Variants in BMPR1B observed in about 807,000 individuals in gnomAD.
BMPR1B encodes bone morphogenetic protein receptor type-1B.
Under a neutral mutation model 59.1 loss-of-function variants are expected in BMPR1B, and 12 were observed. The ratio of observed to expected loss-of-function variants is 0.20; its 90% CI spans 0.13 to 0.33. The LOEUF is 0.33. Ranked by LOEUF, BMPR1B falls within the 10% of genes least tolerant of loss-of-function variation. The probability of loss-of-function intolerance (pLI) is 1.00; values close to 1 mark genes in which losing one functional copy is unlikely to be tolerated. For missense variants in BMPR1B, 550 were observed against 610.9 expected, an observed-to-expected ratio of 0.90 and a Z score of 1.05; for synonymous variants, 237 against 207.3, an observed-to-expected ratio of 1.14 and a Z score of -1.23.
At chr4:94,998,213 A>G (rs1019355249) in intron 3 of BMPR1B, among the ~76,000 whole-genome samples, 1 of 152,164 alleles carries the variant, frequency 6.6e-6, no homozygotes, top group Non-Finnish European at 1.5e-5. Flanking sequence ...ATATGCAGGT[A>G]TATTATACAA....
chr4:94,864,867 GC>G (rs1560521981), intron 1 of BMPR1B, among the ~76,000 whole-genome samples: 2 of 152,236 alleles, frequency 1.3e-5, no homozygotes, highest in South Asian at 4.1e-4. Flanking sequence ...GTTACAGAGG[GC>G]TAACAGTATG....
chr4:95,000,720 T>C (rs1369910661), intron 3 of BMPR1B, among the ~76,000 whole-genome samples: 1 of 152,044 alleles, frequency 6.6e-6, no homozygotes, highest in Non-Finnish European at 1.5e-5. Context: ...AAGCTTGCCT[T>C]AGTATGGAAA....
intron 1 of BMPR1B, among the ~76,000 whole-genome samples, chr4:94,779,323 C>T (rs1192055174): frequency 6.6e-6 from 1 of 152,114 alleles, no homozygotes; most frequent in Non-Finnish European, 1.5e-5. Context: ...AATTTCTCTA[C>T]ACACATATGA....
chr4:94,837,816 A>AG (rs1465232081), intron 1 of BMPR1B, among the ~76,000 whole-genome samples: 1 of 143,768 alleles, frequency 7.0e-6, no homozygotes, highest in Non-Finnish European at 1.5e-5. Context: ...GTGGTGAGAG[A>AG]GGGCATCCCT....
chr4:94,989,788 C>T (rs1024987481), intron 2 of BMPR1B, among the ~76,000 whole-genome samples: 12 of 151,730 alleles, frequency 7.9e-5, no homozygotes, highest in African/African-American at 2.7e-4. Context: ...CTGTTTATGC[C>T]AGGTACAACT....
At chr4:95,041,563 A>G (rs1725653673) in intron 3 of BMPR1B, among the ~76,000 whole-genome samples, 1 of 150,754 alleles carries the variant, frequency 6.6e-6, no homozygotes, top group Non-Finnish European at 1.5e-5. Flanking sequence ...TGCTGAGTGA[A>G]TCTTACCAGC....
At chr4:94,829,932 G>A (rs542863277) in intron 1 of BMPR1B, among the ~76,000 whole-genome samples, 29 of 152,246 alleles carry the variant, frequency 1.9e-4, no homozygotes, top group Middle Eastern at 3.4e-3. Flanking sequence ...TGAGCAGTAG[G>A]CAGTTTTATT....
chr4:95,018,412 T>G (rs1339671251), intron 3 of BMPR1B, among the ~76,000 whole-genome samples: 1 of 152,172 alleles, frequency 6.6e-6, no homozygotes. Flanking sequence ...TTACTCTACT[T>G]GCTTTTTAGA....
chr4:94,856,568 C>T (rs916401642), intron 1 of BMPR1B, among the ~76,000 whole-genome samples: 1 of 152,214 alleles, frequency 6.6e-6, no homozygotes, highest in African/African-American at 2.4e-5. Context: ...GGTCCTGCTG[C>T]AGTCCAGAAG....
intron 1 of BMPR1B, among the ~76,000 whole-genome samples, chr4:94,805,513 C>A (rs1217932771): frequency 6.6e-6 from 1 of 152,112 alleles, no homozygotes; most frequent in Non-Finnish European, 1.5e-5. Context: ...AGAGCTGCAG[C>A]TTTGTTTCAG....
intron 3 of BMPR1B, among the ~76,000 whole-genome samples, chr4:95,008,330 C>G (rs1245063179): frequency 2.0e-5 from 3 of 152,172 alleles, no homozygotes; most frequent in Non-Finnish European, 4.4e-5. Context: ...CTTTCCTTCT[C>G]TCTCCATCTG....
intron 1 of BMPR1B, among the ~76,000 whole-genome samples, chr4:94,873,425 T>TTG (rs1726581604): frequency 6.6e-6 from 1 of 151,620 alleles, no homozygotes. Context: ...TTTTTTTTTT[T>TTG]GAGACAGAGT....
intron 10 of BMPR1B, among the ~76,000 whole-genome samples, chr4:95,141,059 C>T (rs1256519871): frequency 6.6e-6 from 1 of 152,192 alleles, no homozygotes; most frequent in East Asian, 1.9e-4. Flanking sequence ...GCTGTGCAGA[C>T]TCCTATGGCC....
intron 1 of BMPR1B, among the ~76,000 whole-genome samples, chr4:94,795,533 C>T (rs1723154312): frequency 6.6e-6 from 1 of 152,024 alleles, no homozygotes; most frequent in South Asian, 2.1e-4. Context: ...GGCGTGATCT[C>T]AGCTCACTGC....
intron 1 of BMPR1B, among the ~76,000 whole-genome samples, chr4:94,769,005 T>C (rs531899498): frequency 1.3e-5 from 2 of 152,316 alleles, no homozygotes; most frequent in African/African-American, 4.8e-5. Flanking sequence ...TAGCTTTTAT[T>C]TGAAATTTCA....
At chr4:95,074,731 T>G (rs1020824870) in intron 3 of BMPR1B, among the ~76,000 whole-genome samples, 1 of 152,066 alleles carries the variant, frequency 6.6e-6, no homozygotes, top group African/African-American at 2.4e-5. Context: ...GAAGCTAGAG[T>G]AGTTATGCTG....
At chr4:95,057,330 C>T (rs1422485130) in intron 3 of BMPR1B, among the ~76,000 whole-genome samples, 10 of 151,972 alleles carry the variant, frequency 6.6e-5, no homozygotes, top group African/African-American at 1.9e-4. Context: ...CTGCAACCTC[C>T]GCCTCCCGAG....
chr4:94,759,712 A>G (rs1721683150), intron 1 of BMPR1B, among the ~76,000 whole-genome samples: 2 of 152,382 alleles, frequency 1.3e-5, no homozygotes, highest in East Asian at 1.9e-4. Context: ...AACATGAGAC[A>G]TGCCGGTGAT....
At chr4:94,844,696 G>A (rs1259516586) in intron 1 of BMPR1B, among the ~76,000 whole-genome samples, 1 of 151,876 alleles carries the variant, frequency 6.6e-6, no homozygotes, top group Non-Finnish European at 1.5e-5. Flanking sequence ...CCCCGCCCCA[G>A]ATTGTTTCAC....
Sources: gnomAD v4.1 joint callset for allele counts (sites outside exome capture counted in the v4.1 genomes callset) on GRCh38, gnomAD v4.1.1 for gene constraint, MANE v1.5 for transcripts, NCBI Gene and HGNC (gene_info 2026-07-23, HGNC 2026-07-21) for gene names.